The following HDAC9 variants were observed in gnomAD, a reference collection of about 807,000 sequenced individuals.
The protein encoded by HDAC9 is histone deacetylase 9, also known as MEF-2 interacting transcription repressor (MITR) protein.
In HDAC9, 41 loss-of-function variants were observed where a neutral mutation model predicts 139.4. The observed-to-expected ratio is 0.29, with a 90% CI of 0.23 to 0.38. The LOEUF is 0.38. Ranked by LOEUF, HDAC9 falls within the 10% of genes least tolerant of loss-of-function variation. HDAC9 has a pLI of 1.00. For missense variants in HDAC9, 1,147 were observed against 1,297.0 expected (o/e 0.88, Z 1.78); for synonymous variants, 517 against 476.2 (o/e 1.09, Z -1.12).
intron 1 of HDAC9, among the ~76,000 whole-genome samples, chr7:18,118,525 A>T (rs999662557): frequency 6.6e-6 from 1 of 152,150 alleles, no homozygotes; most frequent in Non-Finnish European, 1.5e-5. Flanking sequence ...CTTATTTTCT[A>T]GCTTGCTTGA....
intron 22 of HDAC9, among the ~76,000 whole-genome samples, chr7:18,895,502 A>G (rs375850710): frequency 1.7e-4 from 26 of 152,172 alleles, no homozygotes; most frequent in Admixed American, 1.1e-3. Flanking sequence ...ATTTTTGTTA[A>G]TCAAAAGGAC....
intron 1 of HDAC9, among the ~76,000 whole-genome samples, chr7:18,428,660 C>T (rs1052662517): frequency 6.6e-6 from 1 of 152,190 alleles, no homozygotes; most frequent in Non-Finnish European, 1.5e-5. Flanking sequence ...CATTGGAGCC[C>T]TGGTTTATCC....
intron 21 of HDAC9, among the ~76,000 whole-genome samples, chr7:18,859,571 A>T (rs555233627): frequency 9.9e-5 from 15 of 151,580 alleles, no homozygotes; most frequent in African/African-American, 2.7e-4. Flanking sequence ...AAACTTGATG[A>T]TGCTGCCTTC....
intron 2 of HDAC9, among the ~76,000 whole-genome samples, chr7:18,506,788 C>G (rs1470662988): frequency 2.6e-5 from 4 of 152,046 alleles, no homozygotes; most frequent in Non-Finnish European, 5.9e-5. Flanking sequence ...TTATAATGCA[C>G]TATTGTGAGT....
intron 2 of HDAC9, among the ~76,000 whole-genome samples, chr7:18,184,024 A>G (rs1433997445): frequency 1.3e-5 from 2 of 152,204 alleles, no homozygotes; most frequent in African/African-American, 2.4e-5. Flanking sequence ...TTGCATGTTG[A>G]GTATTCCTCA....
chr7:18,184,251 A>G (rs1371402046), intron 2 of HDAC9, among the ~76,000 whole-genome samples: 1 of 152,126 alleles, frequency 6.6e-6, no homozygotes, highest in East Asian at 1.9e-4. Flanking sequence ...ATACGAAGTT[A>G]GCTGAGCGTT....
intron 17 of HDAC9, among the ~76,000 whole-genome samples, chr7:18,826,005 G>A (rs1585108949): frequency 1.3e-5 from 2 of 151,850 alleles, no homozygotes; most frequent in South Asian, 4.2e-4. Flanking sequence ...TAACATGTTA[G>A]TGCGAAAAGT....
intron 12 of HDAC9, among the ~76,000 whole-genome samples, chr7:18,682,143 C>A (rs1355613371): frequency 1.3e-5 from 2 of 151,942 alleles, no homozygotes; most frequent in Non-Finnish European, 2.9e-5. Flanking sequence ...TTAAAATGAC[C>A]TTATAATATA....
At chr7:18,726,677 T>G (rs1785573439) in intron 12 of HDAC9, among the ~76,000 whole-genome samples, 1 of 151,006 alleles carries the variant, frequency 6.6e-6, no homozygotes, top group Non-Finnish European at 1.5e-5. Context: ...TATATATTTT[T>G]GATAAATATT....
intron 22 of HDAC9, among the ~76,000 whole-genome samples, chr7:18,900,615 T>C (rs1370373949): frequency 6.6e-6 from 1 of 152,172 alleles, no homozygotes; most frequent in East Asian, 1.9e-4. Context: ...CAAGATCCCA[T>C]GGACCCCTTG....
rs1447870126 is a variant in HDAC9, at chr7:19,001,484, A to C, written c.*5422A>C. The C allele has an allele frequency of 6.6e-6, 1 of 151,892 alleles. No individual in the cohort carries two copies. Among genetic ancestry groups the C allele is most frequent in the African/African-American group, 2.4e-5 (1 of 41,382 alleles). The allele number at this position is 151,892 out of a possible 1,614,324, so 9.4% of individuals were successfully genotyped here. A position where few individuals can be genotyped will look rare whatever the true frequency, so the allele number is the denominator to read the frequency against. ...GTTGGCATTTTGTGACAATTCATAG[A>C]GATCTTGCAGCAATATTTGGCTATT... On this transcript the variant is annotated 3_prime_UTR_variant, in exon 26 of 26. Coordinates refer to ENST00000686413, the MANE Select transcript of HDAC9 (RefSeq NM_178425.4).
intron 17 of HDAC9, among the ~76,000 whole-genome samples, chr7:18,795,632 A>C (rs1260443680): frequency 6.6e-6 from 1 of 152,224 alleles, no homozygotes; most frequent in Non-Finnish European, 1.5e-5. Flanking sequence ...TAACAGAGGC[A>C]CTGGTACTAT....
At chr7:18,118,019 A>G (rs1784121533) in intron 1 of HDAC9, among the ~76,000 whole-genome samples, 2 of 152,252 alleles carry the variant, frequency 1.3e-5, no homozygotes, top group East Asian at 3.9e-4. Context: ...TCTGAGTCTC[A>G]TTTGCCTTGT....
chr7:18,191,191 A>G (rs1200436661), intron 2 of HDAC9, among the ~76,000 whole-genome samples: 5 of 152,244 alleles, frequency 3.3e-5, no homozygotes, highest in African/African-American at 9.6e-5. Flanking sequence ...TATGTATTAT[A>G]TACTGTATTC....
Position 18,470,729 on chromosome 7 carries a change from G to A in HDAC9, c.-41-25533G>A, listed in dbSNP as rs549635918. On this transcript the variant is annotated intron_variant, in intron 1 of 3. Coordinates refer to the HDAC9 transcript ENST00000413509. ...TAATACATTATTTAGAAGAATAGGC[G>A]GAAGGTTGAATTTGCCATAGTTTGC... Among the ~76,000 whole-genome samples, 6 of 152,218 alleles carry A rather than the reference G, an allele frequency of 3.9e-5. No homozygotes were observed. In the East Asian group the frequency reaches 5.8e-4, roughly 15 times the overall value.
At chr7:18,192,523 G>A (rs1790424007) in intron 2 of HDAC9, among the ~76,000 whole-genome samples, 1 of 152,130 alleles carries the variant, frequency 6.6e-6, no homozygotes, top group South Asian at 2.1e-4. Context: ...GGTATTTACT[G>A]TGAGGAGAAG....
intron 24 of HDAC9, among the ~76,000 whole-genome samples, chr7:18,967,106 T>C (rs146738921): frequency 5.1e-4 from 78 of 152,316 alleles, no homozygotes; most frequent in African/African-American, 1.6e-3. Context: ...GAAGACACAA[T>C]GCTGTTAAAG....
intron 1 of HDAC9, among the ~76,000 whole-genome samples, chr7:18,333,272 G>T (rs1781338189): frequency 6.6e-6 from 1 of 151,344 alleles, no homozygotes; most frequent in Non-Finnish European, 1.5e-5. Context: ...AGAGGAAATG[G>T]GGAGATTTAG....
At chr7:18,897,817 TAA>T (rs34967225) in intron 22 of HDAC9, among the ~76,000 whole-genome samples, 9,174 of 141,262 alleles carry the variant, frequency 0.065, 348 homozygotes, top group African/African-American at 0.11. Flanking sequence ...TATGGTTACT[TAA>T]AAAAAAAAAA....
Sources: gnomAD v4.1 joint callset for allele counts (sites outside exome capture counted in the v4.1 genomes callset) on GRCh38, gnomAD v4.1.1 for gene constraint, MANE v1.5 for transcripts, NCBI Gene and HGNC (gene_info 2026-07-23, HGNC 2026-07-21) for gene names.